SRPK2: variants seen among roughly 807,000 people sequenced by gnomAD.
SRPK2 encodes SFRS protein kinase 2.
Under a neutral mutation model 90.8 loss-of-function variants are expected in SRPK2, and 21 were observed. That is an observed-to-expected ratio of 0.23 (90% CI 0.16 to 0.33). The LOEUF (loss-of-function observed/expected upper bound fraction) is 0.33. Ranked by LOEUF, SRPK2 falls within the 10% of genes least tolerant of loss-of-function variation. The pLI, the probability that SRPK2 is intolerant of heterozygous loss-of-function variation, is 1.00. For synonymous variants in SRPK2, 288 were observed against 311.1 expected (o/e 0.93, Z 0.78); for missense variants, 620 against 869.0 (o/e 0.71, Z 3.60).
At chr7:105,386,799 G>C (rs960265824) in intron 2 of SRPK2, among the ~76,000 whole-genome samples, 1 of 152,168 alleles carries the variant, frequency 6.6e-6, no homozygotes, top group Non-Finnish European at 1.5e-5. Flanking sequence ...TATATAATTG[G>C]GCTGGTCCCG....
chr7:105,199,703 G>A (rs1795313570), intron 3 of SRPK2, among the ~76,000 whole-genome samples: 1 of 152,086 alleles, frequency 6.6e-6, no homozygotes, highest in Non-Finnish European at 1.5e-5. Flanking sequence ...GAATCTTCTG[G>A]TATTAGAGGT....
chr7:105,276,082 A>AT (rs1402846454), intron 2 of SRPK2, among the ~76,000 whole-genome samples: 1 of 132,814 alleles, frequency 7.5e-6, no homozygotes, highest in African/African-American at 2.7e-5. Flanking sequence ...GGATATATAT[A>AT]TATTTTTTTT....
chr7:105,175,459 AAACT>A (rs1411063140), intron 3 of SRPK2, among the ~76,000 whole-genome samples: 6 of 152,272 alleles, frequency 3.9e-5, no homozygotes, highest in Admixed American at 1.3e-4. Context: ...CCACCTTAGA[AAACT>A]AAAAAAATAG....
intron 2 of SRPK2, among the ~76,000 whole-genome samples, chr7:105,335,955 T>TAA (rs1251192705): frequency 1.4e-5 from 2 of 140,790 alleles, no homozygotes; most frequent in Non-Finnish European, 3.1e-5. Flanking sequence ...AAACTCCATC[T>TAA]AAAAAAAAAA....
At position 105,159,470 on chromosome 7, in the gene SRPK2, A is replaced by AG. The variant is rs1287658452; in HGVS notation, c.621+1036_621+1037insC. Among the ~76,000 whole-genome samples the AG allele has an allele frequency of 2.0e-5, 3 of 149,110 alleles. No individual in the cohort carries two copies. The East Asian group carries it at 5.8e-4, about 29-fold the overall frequency. ...CTCCAAAAAAAAAAAAAAAAAAAAA[A>AG]AAACCGTACAAAAGGAAGAAGAGAT... On this transcript the variant is annotated intron_variant, in intron 7 of 15. Transcript: ENST00000393651.
At chr7:105,298,196 T>C (rs1447787429) in intron 2 of SRPK2, among the ~76,000 whole-genome samples, 2 of 152,216 alleles carry the variant, frequency 1.3e-5, no homozygotes, top group Non-Finnish European at 2.9e-5. Context: ...CTCCCACCTC[T>C]ACCTCTTGGC....
chr7:105,215,043 T>G (rs1409767140), intron 2 of SRPK2, among the ~76,000 whole-genome samples: 1 of 152,232 alleles, frequency 6.6e-6, no homozygotes, highest in African/African-American at 2.4e-5. Flanking sequence ...CTTGCATTTA[T>G]AGTCAACTGA....
intron 2 of SRPK2, chr7:105,301,424 C>T (rs2131256885): frequency 1.4e-6 from 1 of 697,030 alleles, no homozygotes. Flanking sequence ...AACCAAGGCG[C>T]CAAAGGGGGT....
intron 2 of SRPK2, among the ~76,000 whole-genome samples, chr7:105,348,239 T>C (rs565333096): frequency 6.6e-6 from 1 of 151,424 alleles, no homozygotes; most frequent in South Asian, 2.1e-4. Context: ...GCCCGGCCAA[T>C]TCTGTATTGT....
intron 2 of SRPK2, among the ~76,000 whole-genome samples, chr7:105,327,323 G>C (rs1813710098): frequency 6.6e-6 from 1 of 152,166 alleles, no homozygotes; most frequent in African/African-American, 2.4e-5. Flanking sequence ...ACACAATCAT[G>C]CTCATTTGTT....
chr7:105,267,878 A>G (rs2130400948), intron 2 of SRPK2, among the ~76,000 whole-genome samples: 2 of 152,262 alleles, frequency 1.3e-5, no homozygotes, highest in Middle Eastern at 6.8e-3. Flanking sequence ...AAACCCTAGA[A>G]AAGATAAATC....
intron 2 of SRPK2, among the ~76,000 whole-genome samples, chr7:105,368,454 T>C (rs1447597545): frequency 6.6e-6 from 1 of 152,204 alleles, no homozygotes; most frequent in Non-Finnish European, 1.5e-5. Context: ...CTAGAAACTA[T>C]TTTCTGTATC....
chr7:105,295,523 TAAGTA>T (rs1314833427), intron 2 of SRPK2, among the ~76,000 whole-genome samples: 1 of 152,202 alleles, frequency 6.6e-6, no homozygotes, highest in African/African-American at 2.4e-5. Flanking sequence ...AACATTATGC[TAAGTA>T]AAGTATTGTT....
chr7:105,235,414 G>A (rs1328594371), intron 2 of SRPK2, among the ~76,000 whole-genome samples: 1 of 152,054 alleles, frequency 6.6e-6, no homozygotes, highest in African/African-American at 2.4e-5. Flanking sequence ...TTAGTCTAAA[G>A]TCAGTTTTCT....
chr7:105,193,349 T>G lies in SRPK2; in HGVS notation c.229+10279A>C, dbSNP rs151291986. On this transcript the variant is annotated intron_variant, in intron 3 of 15. Coordinates refer to ENST00000393651, the MANE Select transcript of SRPK2 (RefSeq NM_182692.3). ...TCAAAGATCAGTTGGCTGTAAGTAT[T>G]TGGGTTTATTTCTCAGTTCTCTATT... Among the ~76,000 whole-genome samples the G allele has an allele frequency of 5.5e-4, 84 of 152,266 alleles. 1 individual carries two copies. The highest frequency in any genetic ancestry group is 1.8e-3 in the African/African-American group (74 of 41,556).
intron 2 of SRPK2, among the ~76,000 whole-genome samples, chr7:105,219,505 T>A (rs557475249): frequency 6.6e-6 from 1 of 152,342 alleles, no homozygotes; most frequent in African/African-American, 2.4e-5. Context: ...ACTCACTAGG[T>A]TCTGCTCCTA....
intron 7 of SRPK2, among the ~76,000 whole-genome samples, chr7:105,154,002 A>G (rs1440708364): frequency 2.0e-5 from 3 of 152,214 alleles, no homozygotes; most frequent in African/African-American, 2.4e-5. Flanking sequence ...GTTAAACTCA[A>G]TGGAGGAGCT....
At chr7:105,358,149 G>A (rs891791882) in intron 2 of SRPK2, among the ~76,000 whole-genome samples, 11 of 150,716 alleles carry the variant, frequency 7.3e-5, no homozygotes, top group African/African-American at 9.8e-5. Flanking sequence ...GCTTGAACCC[G>A]GGAGGCGAAG....
intron 3 of SRPK2, among the ~76,000 whole-genome samples, chr7:105,185,690 T>C (rs1793489305): frequency 6.6e-6 from 1 of 152,202 alleles, no homozygotes; most frequent in African/African-American, 2.4e-5. Context: ...AAGGTCTCTA[T>C]GTGGAAAACA....
Sources: allele counts gnomAD v4.1 joint callset (sites outside exome capture counted in the v4.1 genomes callset), GRCh38; gene constraint gnomAD v4.1.1; transcripts MANE v1.5; gene names NCBI Gene and HGNC (gene_info 2026-07-23, HGNC 2026-07-21).